The following PRTFDC1 variants were observed in gnomAD, a reference collection of about 807,000 sequenced individuals.
PRTFDC1 encodes phosphoribosyltransferase domain-containing protein 1.
Under a neutral mutation model 34.6 loss-of-function variants are expected in PRTFDC1, and 38 were observed. The ratio of observed to expected loss-of-function variants is 1.10; its 90% CI spans 0.85 to 1.44. PRTFDC1 has a LOEUF of 1.44. Ranked by LOEUF, PRTFDC1 falls within the 40% of genes most tolerant of loss-of-function variation. PRTFDC1 has a pLI of 0.00. For synonymous variants in PRTFDC1, 93 were observed against 98.1 expected, an observed-to-expected ratio of 0.95 and a Z score of 0.31; for missense variants, 270 against 283.0, an observed-to-expected ratio of 0.95 and a Z score of 0.33.
At chr10:24,908,261 C>G in intron 3 of PRTFDC1, 1 of 491,150 alleles carries the variant, frequency 2.0e-6, no homozygotes, top group Non-Finnish European at 3.6e-6. Flanking sequence ...ATGTCATGCC[C>G]TCTGTCTTTT....
chr10:24,935,889 G>A (rs1195890343), intron 3 of PRTFDC1, among the ~76,000 whole-genome samples: 1 of 152,210 alleles, frequency 6.6e-6, no homozygotes, highest in East Asian at 1.9e-4. Context: ...TGGGAACTGA[G>A]CTTGCCAACA....
At chr10:24,928,981 A>G (rs528896021) in intron 3 of PRTFDC1, among the ~76,000 whole-genome samples, 14 of 147,406 alleles carry the variant, frequency 9.5e-5, no homozygotes, top group South Asian at 8.7e-4. Context: ...CGGAGCTTGC[A>G]GTGAGTCGAG....
chr10:24,885,212 G>T (rs543265245), intron 3 of PRTFDC1, among the ~76,000 whole-genome samples: 1 of 152,322 alleles, frequency 6.6e-6, no homozygotes, highest in Admixed American at 6.5e-5. Context: ...ACCCATAAAT[G>T]TTAGGGGCAA....
chr10:24,893,272 TTC>T (rs1224809802), intron 3 of PRTFDC1, among the ~76,000 whole-genome samples: 2 of 91,372 alleles, frequency 2.2e-5, no homozygotes, highest in Non-Finnish European at 2.3e-5. Context: ...CTCTCTCTCT[TTC>T]TCTCTCTCTC....
chr10:24,914,656 A>C (rs1156615802), intron 3 of PRTFDC1, among the ~76,000 whole-genome samples: 1 of 152,202 alleles, frequency 6.6e-6, no homozygotes. Flanking sequence ...ATTTTGGAAT[A>C]TATCAAGAAA....
chr10:24,886,025 G>A (rs548749086), intron 3 of PRTFDC1, among the ~76,000 whole-genome samples: 2 of 152,270 alleles, frequency 1.3e-5, no homozygotes, highest in South Asian at 4.1e-4. Context: ...AGGATTTTCA[G>A]GGCAGTGAAA....
chr10:24,945,787 G>A (rs761059813), intron 1 of PRTFDC1, among the ~76,000 whole-genome samples: 9 of 152,088 alleles, frequency 5.9e-5, no homozygotes, highest in African/African-American at 1.4e-4. Flanking sequence ...AAAGTGTCTC[G>A]TTTGCTCTCC....
At chr10:24,906,183 TTGCTTTCTCAA>T (rs1408506076) in intron 3 of PRTFDC1, among the ~76,000 whole-genome samples, 1 of 152,190 alleles carries the variant, frequency 6.6e-6, no homozygotes, top group Non-Finnish European at 1.5e-5. Flanking sequence ...ACTATAGACA[TTGCTTTCTCAA>T]TGCTTTCTCA....
intron 3 of PRTFDC1, among the ~76,000 whole-genome samples, chr10:24,916,626 C>T (rs896538600): frequency 3.9e-5 from 6 of 152,144 alleles, no homozygotes; most frequent in Non-Finnish European, 7.3e-5. Context: ...CATGGGGAGC[C>T]TTTGTTTCTT....
At chr10:24,852,805 A>T (rs1270377027) in intron 7 of PRTFDC1, among the ~76,000 whole-genome samples, 1 of 152,186 alleles carries the variant, frequency 6.6e-6, no homozygotes, top group Non-Finnish European at 1.5e-5. Context: ...CAGTGGGCTT[A>T]TAGCCTGGGC....
rs1588615886 is a variant in PRTFDC1, at chr10:24,922,907, A to G, written c.339+14277T>C. ...TTTCCTAGCCAAGGGAAGCTGTGAC[A>G]GACTGTACCTGGAGGAACCGTACAC... On this transcript the variant is annotated intron_variant, in intron 3 of 8. Coordinates refer to ENST00000320152, the MANE Select transcript of PRTFDC1 (RefSeq NM_020200.7). 2.6e-5 allele frequency among the ~76,000 whole-genome samples: 4 copies of G among 152,340 alleles called. No individual in the cohort carries two copies. The East Asian group carries it at 7.7e-4, about 29-fold the overall frequency.
chr10:24,900,938 G>A (rs1030503903), intron 3 of PRTFDC1, among the ~76,000 whole-genome samples: 9 of 152,160 alleles, frequency 5.9e-5, no homozygotes, highest in African/African-American at 1.2e-4. Flanking sequence ...GTAACTTGTC[G>A]CTAACAGGTG....
intron 3 of PRTFDC1, among the ~76,000 whole-genome samples, chr10:24,919,728 A>G (rs138672279): frequency 4.3e-4 from 65 of 152,336 alleles, no homozygotes; most frequent in Non-Finnish European, 6.6e-4. Flanking sequence ...TTTGCAATCT[A>G]TGCATCTGAC....
At chr10:24,942,671 A>G (rs1849182793) in intron 1 of PRTFDC1, among the ~76,000 whole-genome samples, 1 of 152,146 alleles carries the variant, frequency 6.6e-6, no homozygotes, top group South Asian at 2.1e-4. Flanking sequence ...ACTTTGAGAC[A>G]GAGTCTTTCT....
At chr10:24,939,947 G>C (rs1849126976) in intron 2 of PRTFDC1, among the ~76,000 whole-genome samples, 1 of 152,114 alleles carries the variant, frequency 6.6e-6, no homozygotes, top group South Asian at 2.1e-4. Context: ...GCAGACTTCT[G>C]AGTGAGGAAT....
intron 3 of PRTFDC1, among the ~76,000 whole-genome samples, chr10:24,906,780 A>C (rs1848542572): frequency 6.6e-6 from 1 of 152,220 alleles, no homozygotes; most frequent in Non-Finnish European, 1.5e-5. Flanking sequence ...CCTGCTCTCG[A>C]GAGCTGGCTT....
At chr10:24,946,778 A>T (rs1849256544) in intron 1 of PRTFDC1, among the ~76,000 whole-genome samples, 1 of 152,226 alleles carries the variant, frequency 6.6e-6, no homozygotes, top group African/African-American at 2.4e-5. Flanking sequence ...AACAAATTAT[A>T]TGTTTTAATT....
At chr10:24,884,365 C>T (rs1206969139) in intron 3 of PRTFDC1, among the ~76,000 whole-genome samples, 1 of 152,090 alleles carries the variant, frequency 6.6e-6, no homozygotes, top group African/African-American at 2.4e-5. Context: ...AATACTCACC[C>T]ACCTTCCAGC....
chr10:24,874,274 A>T (rs898795274), intron 3 of PRTFDC1, among the ~76,000 whole-genome samples: 3 of 152,136 alleles, frequency 2.0e-5, no homozygotes, highest in African/African-American at 7.2e-5. Context: ...GAATTTACAG[A>T]TGTTTTGCTG....
Sources: allele counts gnomAD v4.1 joint callset (sites outside exome capture counted in the v4.1 genomes callset), GRCh38; gene constraint gnomAD v4.1.1; transcripts MANE v1.5; gene names NCBI Gene and HGNC (gene_info 2026-07-23, HGNC 2026-07-21).